The following IGSF3 variants were observed in gnomAD, a reference collection of about 807,000 sequenced individuals.
IGSF3 encodes the protein immunoglobulin superfamily member 3, also known as glu-Trp-Ile EWI motif-containing protein 3.
In IGSF3, 23 loss-of-function variants were observed where a neutral mutation model predicts 114.4. The observed-to-expected ratio is 0.20, with a 90% CI of 0.14 to 0.28. The LOEUF (loss-of-function observed/expected upper bound fraction) is 0.28, where lower values mean the gene tolerates loss of function less well. Among genes scored for constraint, IGSF3 ranks in the 10% least tolerant of loss-of-function variants. The pLI is 1.00. For synonymous variants in IGSF3, 571 were observed against 645.2 expected (o/e 0.88, Z 1.74); for missense variants, 1,172 against 1,591.5 (o/e 0.74, Z 4.48).
chr1:116,643,131 C>T (rs1231697877), intron 2 of IGSF3, among the ~76,000 whole-genome samples: 1 of 152,134 alleles, frequency 6.6e-6, no homozygotes, highest in East Asian at 1.9e-4. Context: ...AGTCTCATTC[C>T]CCAAACACAA....
intron 2 of IGSF3, among the ~76,000 whole-genome samples, chr1:116,630,590 A>G (rs2101038750): frequency 6.6e-6 from 1 of 152,316 alleles, no homozygotes; most frequent in East Asian, 1.9e-4. Flanking sequence ...CATTCATTCC[A>G]AAAATATATA....
In IGSF3 at chr1:116,644,361, G is replaced by A. The variant is rs1435374117; in HGVS notation, c.43+21923C>T. Among the ~76,000 whole-genome samples, 1 of 152,240 alleles carries A rather than the reference G, an allele frequency of 6.6e-6. No individual in the cohort carries two copies. The highest frequency in any genetic ancestry group is 2.1e-4 in the South Asian group (1 of 4,828). ...GAGCAGCAAGCTCCAGACGGGAGAT[G>A]CGCCATATAACAGCAGCAGTTCCAC... On this transcript the variant is annotated intron_variant, in intron 2 of 10. Transcript: ENST00000369486. The surrounding 1 kb of genome is among the most constrained non-coding windows in gnomAD (Gnocchi z 5.6).
intron 2 of IGSF3, among the ~76,000 whole-genome samples, chr1:116,619,370 T>C (rs1661338428): frequency 6.6e-6 from 1 of 152,194 alleles, no homozygotes; most frequent in Admixed American, 6.5e-5. Context: ...TTAAGTGGCC[T>C]GAATGAGCCA....
chr1:116,577,253 A>G lies in IGSF3; in HGVS notation c.*59T>C, dbSNP rs1659383728. ...TTTGGGTGCTGTCAACTGTCCAATC[A>G]CAGAGAAAGGGAGAGCCTCAGCTCC... On this transcript the variant is annotated 3_prime_UTR_variant, in exon 11 of 11. Transcript: ENST00000369486. The surrounding 1 kb of genome is among the most constrained non-coding windows in gnomAD (Gnocchi z 5.7). 6.3e-7 allele frequency: 1 copy of G among 1,587,742 alleles called. No individual in the cohort carries two copies. Among genetic ancestry groups the G allele is most frequent in the Admixed American group, 1.7e-5 (1 of 57,932 alleles).
intron 2 of IGSF3, among the ~76,000 whole-genome samples, chr1:116,659,626 C>CT (rs1483543360): frequency 6.6e-6 from 1 of 151,836 alleles, no homozygotes; most frequent in African/African-American, 2.4e-5. Context: ...GGGTCTCGCT[C>CT]TTTTTGTGTG....
intron 6 of IGSF3, among the ~76,000 whole-genome samples, chr1:116,602,488 G>A (rs1228449410): frequency 6.6e-6 from 1 of 152,208 alleles, no homozygotes; most frequent in African/African-American, 2.4e-5. Context: ...GCAATCACTG[G>A]AGGAAGTTTC....
At position 116,605,886 on chromosome 1, in the gene IGSF3, C is replaced by T. The variant is rs532579693; in HGVS notation, c.1223-1861G>A. Among the ~76,000 whole-genome samples the T allele has an allele frequency of 6.6e-6, 1 of 152,302 alleles. No individual in the cohort carries two copies. Among genetic ancestry groups the T allele is most frequent in the African/African-American group, 2.4e-5 (1 of 41,550 alleles). ...ACTGTCATCCCAGTGGACGCTTATC[C>T]AAGTCCTGGCTCATTTATTGAAAGG... On this transcript the variant is annotated intron_variant, in intron 5 of 10. Transcript: ENST00000369486. This position sits in a 1 kb window ranked among gnomAD's most constrained non-coding sequence, Gnocchi z 5.1.
At chr1:116,640,037 C>CAAAAAAAAA (rs34003833) in intron 2 of IGSF3, among the ~76,000 whole-genome samples, 6 of 65,230 alleles carry the variant, frequency 9.2e-5, no homozygotes, top group East Asian at 5.3e-4. Flanking sequence ...GACTCTATCT[C>CAAAAAAAAA]AAAAAAAAAA....
Position 116,608,005 on chromosome 1 carries a change from C to G in IGSF3, c.1159G>C (p.Gly387Arg), listed in dbSNP as rs759366082. 6.2e-7 allele frequency: 1 copy of G among 1,613,954 alleles called. No individual in the cohort carries two copies. The highest frequency in any genetic ancestry group is 8.5e-7 in the Non-Finnish European group (1 of 1,179,844). ...RVTEREKTVT[G>R]EFIDKESKRP... is the part of the protein sequence containing the mutation. ...TTGCTCTCCTTATCAATGAATTCCC[C>G]GGTCACGGTTTTCTCTCGCTCAGTC... Residue 387 changes from glycine (G) to arginine (R), a missense_variant, in exon 5 of 11, where the codon GGG becomes CGG. Coordinates refer to ENST00000369486, the MANE Select transcript of IGSF3 (RefSeq NM_001007237.3).
chr1:116,597,145 T>C lies in IGSF3; in HGVS notation c.2029+2796A>G, dbSNP rs980868406. Among the ~76,000 whole-genome samples the C allele has an allele frequency of 4.6e-5, 7 of 152,322 alleles. No homozygotes were observed. In the East Asian group the frequency reaches 1.2e-3, roughly 25 times the overall value. ...CCCAACTTCCCCCATTCACTAGGTG[T>C]TTAATTTGAGGAAGTGAGAATCTCT... On this transcript the variant is annotated intron_variant, in intron 7 of 10. Coordinates refer to ENST00000369486, the MANE Select transcript of IGSF3 (RefSeq NM_001007237.3).
Position 116,664,865 on chromosome 1 carries a change from T to C in IGSF3, c.43+1419A>G, listed in dbSNP as rs1205832000. 2.0e-5 allele frequency among the ~76,000 whole-genome samples: 3 copies of C among 152,202 alleles called. No homozygotes were observed. Among genetic ancestry groups the C allele is most frequent in the African/African-American group, 7.2e-5 (3 of 41,452 alleles). ...TTCTCTACTGAACCATGCATGGAATTACCTGAGATAGCTCAAAGGCTGAGA... is the reference window on the plus strand; with the variant it reads ...TTCTCTACTGAACCATGCATGGAATCACCTGAGATAGCTCAAAGGCTGAGA... On this transcript the variant is annotated intron_variant, in intron 2 of 10. Coordinates refer to ENST00000369486, the MANE Select transcript of IGSF3 (RefSeq NM_001007237.3). The surrounding 1 kb of genome is among the most constrained non-coding windows in gnomAD (Gnocchi z 4.6).
rs950140329 is a variant in IGSF3, at chr1:116,593,850, G to A, written c.2030-4746C>T. Among the ~76,000 whole-genome samples the A allele has an allele frequency of 1.3e-5, 2 of 152,136 alleles. No homozygotes were observed. Among genetic ancestry groups the A allele is most frequent in the African/African-American group, 4.8e-5 (2 of 41,422 alleles). On this transcript the variant is annotated intron_variant, in intron 7 of 10. Coordinates refer to ENST00000369486, the MANE Select transcript of IGSF3 (RefSeq NM_001007237.3). This position sits in a 1 kb window ranked among gnomAD's most constrained non-coding sequence, Gnocchi z 4.5. ...TCTCTGGTTGCCATATTGATTTGGG[G>A]AGGGGTATATATTCAATGGAATAAA...
Position 116,619,615 on chromosome 1 carries a change from C to T in IGSF3, c.44-3158G>A, listed in dbSNP as rs542320085. 2.6e-5 allele frequency among the ~76,000 whole-genome samples: 4 copies of T among 152,268 alleles called. No homozygotes were observed. In the South Asian group the frequency reaches 8.3e-4, roughly 32 times the overall value. On this transcript the variant is annotated intron_variant, in intron 2 of 10. Transcript: ENST00000369486. ...TAATTCCCCTTCCACACATCCCACC[C>T]CACCATTCCCCTATAATAGTAATAC...
rs78756942 is a variant in IGSF3, at chr1:116,599,858, A to C, written c.2029+83T>G. 2.4e-5 allele frequency: 30 copies of C among 1,266,800 alleles called. No individual in the cohort carries two copies. In the East Asian group the frequency reaches 7.1e-4, roughly 30 times the overall value. The allele number at this position is 1,266,800 out of a possible 1,614,324, so 78.5% of individuals were successfully genotyped here. A position where few individuals can be genotyped will look rare whatever the true frequency, so the allele number is the denominator to read the frequency against. On this transcript the variant is annotated intron_variant, in intron 7 of 10. Coordinates refer to ENST00000369486, the MANE Select transcript of IGSF3 (RefSeq NM_001007237.3). ...AGCTGGGAAAGGGGGAAGTGACGCT[A>C]AGGGCTCCACGCACACCTTTCTTTT...
At chr1:116,619,626 C>T (rs535504685) in intron 2 of IGSF3, among the ~76,000 whole-genome samples, 2 of 152,160 alleles carry the variant, frequency 1.3e-5, no homozygotes, top group Non-Finnish European at 2.9e-5. Context: ...CACCATTCCC[C>T]TATAATAGTA....
chr1:116,603,964 C>T lies in IGSF3; in HGVS notation c.1284G>A (p.Leu428=). 1 of 1,613,262 alleles carries T rather than the reference C, an allele frequency of 6.2e-7. No homozygotes were observed. The highest frequency in any genetic ancestry group is 8.5e-7 in the Non-Finnish European group (1 of 1,180,012). The change falls in exon 6 of 11, where the codon CTG becomes CTA. Residue 428 remains leucine (L), a synonymous_variant. Transcript: ENST00000369486. This position sits in a 1 kb window ranked among gnomAD's most constrained non-coding sequence, Gnocchi z 7.1. ...CCGTGCGGACACTGCAGGAGAAGCGCAGGTCCTCGCCCTCAAGGATGACGC... is the reference window on the plus strand; with the variant it reads ...CCGTGCGGACACTGCAGGAGAAGCGTAGGTCCTCGCCCTCAAGGATGACGC... ...NASVILEGED[L]RFSCSVRTAG... is the part of the protein sequence containing the mutation.
intron 2 of IGSF3, among the ~76,000 whole-genome samples, chr1:116,646,129 G>C (rs1216781786): frequency 6.6e-6 from 1 of 152,204 alleles, no homozygotes; most frequent in East Asian, 1.9e-4. Flanking sequence ...CTCCACATTT[G>C]GGCTCAAATA....
intron 6 of IGSF3, among the ~76,000 whole-genome samples, chr1:116,602,094 G>C (rs1484219987): frequency 6.6e-6 from 1 of 152,152 alleles, no homozygotes; most frequent in African/African-American, 2.4e-5. Flanking sequence ...TTAGTCTAGA[G>C]TGCCCTCCCA....
chr1:116,642,180 C>T lies in IGSF3; in HGVS notation c.43+24104G>A, dbSNP rs1030117882. 3.3e-5 allele frequency among the ~76,000 whole-genome samples: 5 copies of T among 151,790 alleles called. No individual in the cohort carries two copies. Among genetic ancestry groups the T allele is most frequent in the Non-Finnish European group, 1.5e-5 (1 of 67,940 alleles). ...AATATAGAACATTTCATTTTTTTCC[C>T]ACACACCTCGCATCTGATTTTTGAT... On this transcript the variant is annotated intron_variant, in intron 2 of 10. Coordinates refer to ENST00000369486, the MANE Select transcript of IGSF3 (RefSeq NM_001007237.3). The surrounding 1 kb of genome is among the most constrained non-coding windows in gnomAD (Gnocchi z 5.4).
Sources: allele counts gnomAD v4.1 joint callset (sites outside exome capture counted in the v4.1 genomes callset), GRCh38; gene constraint gnomAD v4.1.1; non-coding constraint Gnocchi (gnomAD v3.1); transcripts MANE v1.5; gene names NCBI Gene and HGNC (gene_info 2026-07-23, HGNC 2026-07-21).